The following ANO4 variants were observed in gnomAD, a reference collection of about 807,000 sequenced individuals.
ANO4 encodes anoctamin-4.
A neutral mutation model predicts 141.9 loss-of-function variants in ANO4; 69 were observed. That is an observed-to-expected ratio of 0.49 (90% CI 0.40 to 0.59). ANO4 has a LOEUF of 0.59. ANO4 is among the 20% of genes least tolerant of loss of function. The pLI, the probability that ANO4 is intolerant of heterozygous loss-of-function variation, is 0.00. For synonymous variants in ANO4, 350 were observed against 394.3 expected, an observed-to-expected ratio of 0.89 and a Z score of 1.33; for missense variants, 894 against 1,162.2, an observed-to-expected ratio of 0.77 and a Z score of 3.36.
intron 22 of ANO4, among the ~76,000 whole-genome samples, chr12:101,102,095 A>G (rs1198981981): frequency 6.6e-6 from 1 of 152,102 alleles, no homozygotes; most frequent in Non-Finnish European, 1.5e-5. Context: ...AAAAAAAAAG[A>G]ATGTACTATT....
rs565512097 is a variant in ANO4 at position 100,796,347 on chromosome 12, G to A, written c.-141+1320G>A. On this transcript the variant is annotated intron_variant, in intron 1 of 27. Transcript: ENST00000392977. ...CTCCTGCTCTTTGGGAGTTTGGAAT[G>A]TAAAGTTCCCTAACTGCTTGCTCAT... 4.1e-4 allele frequency among the ~76,000 whole-genome samples: 34 copies of A among 83,076 alleles called. 1 individual carries two copies. Among genetic ancestry groups the A allele is most frequent in the African/African-American group, 2.0e-3 (32 of 15,934 alleles). The allele number at this position is 83,076 out of a possible 152,430, so 54.5% of individuals were successfully genotyped here. A position where few individuals can be genotyped will look rare whatever the true frequency, so the allele number is the denominator to read the frequency against.
chr12:101,071,700 G>A (rs998345449), intron 14 of ANO4, among the ~76,000 whole-genome samples: 67 of 152,134 alleles, frequency 4.4e-4, no homozygotes, highest in Middle Eastern at 3.4e-3. Context: ...TAATATAACT[G>A]GATTGTTTGT....
Position 101,048,553 on chromosome 12 carries a change from T to C in ANO4, c.1312+152T>C, listed in dbSNP as rs573473374. 243 of 683,734 alleles carry C rather than the reference T, an allele frequency of 3.6e-4. 4 individuals are homozygous for C. The South Asian group carries it at 4.8e-3, about 13-fold the overall frequency. 42.4% of individuals were successfully genotyped at this position (683,734 alleles called of 1,614,324 possible). On this transcript the variant is annotated intron_variant, in intron 14 of 27. Coordinates refer to ENST00000392977, the MANE Select transcript of ANO4 (RefSeq NM_001286615.2). ...GAAAGTTGGTAAATAATTTATTGGG[T>C]TTATTTTAAACGATATTGTAGAAGA...
chr12:100,728,599 G>T (rs1174160614), intron 1 of ANO4, among the ~76,000 whole-genome samples: 3 of 152,150 alleles, frequency 2.0e-5, no homozygotes, highest in Non-Finnish European at 4.4e-5. Context: ...TTCCTCATCT[G>T]CATAATAGAG....
intron 1 of ANO4, among the ~76,000 whole-genome samples, chr12:100,877,541 T>G (rs1593605341): frequency 6.7e-6 from 1 of 149,670 alleles, no homozygotes. Context: ...TGAGGTGAGG[T>G]CAGCAGCTGA....
At chr12:101,060,673 C>A (rs2048308894) in intron 14 of ANO4, among the ~76,000 whole-genome samples, 2 of 152,038 alleles carry the variant, frequency 1.3e-5, no homozygotes, top group Admixed American at 1.3e-4. Flanking sequence ...TGGTTTAGGT[C>A]TGTTTTATCA....
chr12:100,991,051 A>G (rs901860622), intron 8 of ANO4, among the ~76,000 whole-genome samples: 2 of 152,218 alleles, frequency 1.3e-5, no homozygotes, highest in African/African-American at 4.8e-5. Context: ...ATCAAACCGA[A>G]GAACCAGACC....
chr12:100,766,171 T>A (rs2033072262), intron 3 of ANO4, among the ~76,000 whole-genome samples: 1 of 152,178 alleles, frequency 6.6e-6, no homozygotes, highest in Non-Finnish European at 1.5e-5. Flanking sequence ...TCCTCCAGGT[T>A]CATCCAGGTT....
intron 5 of ANO4, among the ~76,000 whole-genome samples, chr12:100,966,112 A>C (rs990244666): frequency 1.3e-5 from 2 of 152,124 alleles, no homozygotes; most frequent in African/African-American, 4.8e-5. Context: ...GTCATCAAAG[A>C]CTGATAAATC....
intron 1 of ANO4, among the ~76,000 whole-genome samples, chr12:100,797,145 T>TAG (rs566992801): frequency 1.3e-5 from 2 of 151,632 alleles, no homozygotes; most frequent in African/African-American, 4.9e-5. Context: ...TATATATATA[T>TAG]ACACACATAT....
Position 101,120,623 on chromosome 12 carries a change from G to GATAAA in ANO4, c.2675_2676insTAAAA (p.Glu892AspfsTer9). 1 of 1,613,346 alleles carries GATAAA rather than the reference G, an allele frequency of 6.2e-7. No homozygotes were observed. Among genetic ancestry groups the GATAAA allele is most frequent in the Non-Finnish European group, 8.5e-7 (1 of 1,179,460 alleles). On this transcript the variant is annotated frameshift_variant and splice_region_variant, in exon 26 of 28. Coordinates refer to ENST00000392977, the MANE Select transcript of ANO4 (RefSeq NM_001286615.2). LOFTEE classifies it high-confidence loss of function. Reference sequence around the variant, plus strand: ...TCGATTAGCTTTTATCATTGTCTTTGAGGTAAGTTTCCTCAGCCAAATTCT... The same window carrying GATAAA: ...TCGATTAGCTTTTATCATTGTCTTTGATAAAAGGTAAGTTTCCTCAGCCAAATTCT...
chr12:100,997,039 A>C (rs561272105), intron 8 of ANO4, among the ~76,000 whole-genome samples: 10 of 152,196 alleles, frequency 6.6e-5, no homozygotes, highest in African/African-American at 2.2e-4. Context: ...AGTGAACAGA[A>C]AGAAGTGTCT....
At chr12:101,082,066 T>G (rs912707037) in intron 15 of ANO4, among the ~76,000 whole-genome samples, 3 of 152,190 alleles carry the variant, frequency 2.0e-5, no homozygotes, top group African/African-American at 7.2e-5. Flanking sequence ...ATGGTTTGGC[T>G]GTGTCCCCAC....
Position 100,901,762 on chromosome 12 carries a change from C to T in ANO4, c.-24C>T, listed in dbSNP as rs368294772. The T allele has an allele frequency of 2.5e-6, 4 of 1,612,588 alleles. No homozygotes were observed. Among genetic ancestry groups the T allele is most frequent in the Non-Finnish European group, 3.4e-6 (4 of 1,178,632 alleles). Reference sequence around the variant, plus strand: ...GCCTGTGGTCAGGCATTCCTCACTCCCACCAGGCAGAAGGTCAATAAAAAT... The same window carrying T: ...GCCTGTGGTCAGGCATTCCTCACTCTCACCAGGCAGAAGGTCAATAAAAAT... On this transcript the variant is annotated 5_prime_UTR_variant, in exon 2 of 28. Transcript: ENST00000392977.
chr12:100,972,244 G>A (rs542108082), intron 6 of ANO4, among the ~76,000 whole-genome samples: 3 of 152,284 alleles, frequency 2.0e-5, no homozygotes, highest in African/African-American at 4.8e-5. Flanking sequence ...GAGGCAAATT[G>A]GTACCAACTC....
At chr12:100,830,252 AT>A (rs1440162726) in intron 1 of ANO4, among the ~76,000 whole-genome samples, 1 of 152,036 alleles carries the variant, frequency 6.6e-6, no homozygotes, top group Non-Finnish European at 1.5e-5. Flanking sequence ...TAAAGGGAGA[AT>A]ATTTAAGGGG....
chr12:100,922,430 A>T (rs939552048), intron 3 of ANO4, 100 bp downstream of exon 3: 14 of 745,130 alleles, frequency 1.9e-5, no homozygotes, highest in Non-Finnish European at 2.0e-6. Context: ...AAGCTTTAAA[A>T]AATATTAACA....
At chr12:101,059,461 G>C in intron 14 of ANO4, among the ~76,000 whole-genome samples, 1 of 152,162 alleles carries the variant, frequency 6.6e-6, no homozygotes, top group East Asian at 1.9e-4. Context: ...TTTACCTGTG[G>C]TAGAATTCAG....
chr12:100,920,773 T>C (rs1168713374), intron 2 of ANO4, among the ~76,000 whole-genome samples: 1 of 152,178 alleles, frequency 6.6e-6, no homozygotes, highest in African/African-American at 2.4e-5. Context: ...TCCTTTTCGT[T>C]ATTCACATTG....
Sources: gnomAD v4.1 joint callset for allele counts (sites outside exome capture counted in the v4.1 genomes callset) on GRCh38, gnomAD v4.1.1 for gene constraint, MANE v1.5 for transcripts, NCBI Gene and HGNC (gene_info 2026-07-23, HGNC 2026-07-21) for gene names.